The following MAP7 variants were observed in gnomAD, a reference collection of about 807,000 sequenced individuals.
MAP7 encodes microtubule associated protein 7.
Under a neutral mutation model 94.8 loss-of-function variants are expected in MAP7, and 52 were observed. The ratio of observed to expected loss-of-function variants is 0.55; its 90% CI spans 0.44 to 0.69. The LOEUF is 0.69. MAP7 is among the 30% of genes least tolerant of loss of function. MAP7 has a pLI of 0.00. For missense variants in MAP7, 940 were observed against 964.6 expected (o/e 0.97, Z 0.34); for synonymous variants, 350 against 357.0 (o/e 0.98, Z 0.22).
At chr6:136,493,376 G>T (rs1159897042) in intron 1 of MAP7, among the ~76,000 whole-genome samples, 1 of 151,944 alleles carries the variant, frequency 6.6e-6, no homozygotes, top group Non-Finnish European at 1.5e-5. Context: ...GCCCACCTTG[G>T]CCTTCCAAAG....
chr6:136,363,482 G>C lies in MAP7; in HGVS notation c.1274-780C>G, dbSNP rs190903107. ...ACTTCTGCTTCCACAGACTTTTCTC[G>C]GCCATCATGATGCTCTAGCCCTTCT... On this transcript the variant is annotated intron_variant, in intron 10 of 17. Transcript: ENST00000354570. Among the ~76,000 whole-genome samples, 29 of 152,260 alleles carry C rather than the reference G, an allele frequency of 1.9e-4. 1 individual carries two copies. Among genetic ancestry groups the C allele is most frequent in the South Asian group, 1.7e-3 (8 of 4,826 alleles).
intron 6 of MAP7, among the ~76,000 whole-genome samples, chr6:136,379,300 G>A (rs1777091332): frequency 6.6e-6 from 1 of 152,054 alleles, no homozygotes; most frequent in Non-Finnish European, 1.5e-5. Flanking sequence ...ATTTAAAAGA[G>A]TAAATATTTT....
chr6:136,419,017 T>A (rs1195738705), intron 2 of MAP7, among the ~76,000 whole-genome samples: 3 of 152,132 alleles, frequency 2.0e-5, no homozygotes, highest in African/African-American at 7.2e-5. Flanking sequence ...GTCTCCCTAT[T>A]TAACTTGACT....
At chr6:136,481,980 C>A (rs1812976655) in intron 1 of MAP7, among the ~76,000 whole-genome samples, 1 of 152,132 alleles carries the variant, frequency 6.6e-6, no homozygotes, top group Non-Finnish European at 1.5e-5. Flanking sequence ...CCTATTCTTG[C>A]AACTTTTCAG....
chr6:136,415,926 T>C (rs1789243774), intron 2 of MAP7, among the ~76,000 whole-genome samples: 1 of 152,204 alleles, frequency 6.6e-6, no homozygotes, highest in African/African-American at 2.4e-5. Context: ...ACTAGATGAT[T>C]TTGCTTGATT....
At chr6:136,389,549 G>C in intron 3 of MAP7, 32 bp from the exon 4 acceptor site, 1 of 1,523,848 alleles carries the variant, frequency 6.6e-7, no homozygotes, top group Non-Finnish European at 9.0e-7. Flanking sequence ...AAAAAAAAGA[G>C]GGAAATCAAA....
intron 10 of MAP7, chr6:136,364,059 A>T: frequency 3.8e-6 from 1 of 264,558 alleles, no homozygotes; most frequent in South Asian, 3.9e-5. Context: ...GCCACATTGA[A>T]GTGGAACCCT....
chr6:136,391,764 A>C (rs1582771051), intron 3 of MAP7, among the ~76,000 whole-genome samples: 1 of 152,150 alleles, frequency 6.6e-6, no homozygotes, highest in African/African-American at 2.4e-5. Flanking sequence ...TTAAAAGTTA[A>C]GAGAAGTAGA....
At chr6:136,390,684 G>GA (rs1352595588) in intron 3 of MAP7, among the ~76,000 whole-genome samples, 2 of 151,988 alleles carry the variant, frequency 1.3e-5, no homozygotes, top group East Asian at 1.9e-4. Flanking sequence ...ACAAATAAAA[G>GA]AAAAAACATA....
chr6:136,373,678 T>A (rs555869798), intron 7 of MAP7, among the ~76,000 whole-genome samples: 2 of 152,286 alleles, frequency 1.3e-5, no homozygotes, highest in East Asian at 3.9e-4. Context: ...AACACAAGTA[T>A]AGAGAATACT....
chr6:136,365,483 G>T (rs1227443418), intron 10 of MAP7, among the ~76,000 whole-genome samples: 1 of 152,102 alleles, frequency 6.6e-6, no homozygotes, highest in Non-Finnish European at 1.5e-5. Context: ...GCTACGCCAG[G>T]GGTCCTTAAA....
chr6:136,364,889 C>G (rs571300313), intron 10 of MAP7: 4 of 152,330 alleles, frequency 2.6e-5, no homozygotes, highest in Non-Finnish European at 4.4e-5. Context: ...GCAGGGACCA[C>G]CCAGCTGTGC....
At chr6:136,358,239 A>G (rs1791543339) in intron 15 of MAP7, among the ~76,000 whole-genome samples, 1 of 152,210 alleles carries the variant, frequency 6.6e-6, no homozygotes, top group Admixed American at 6.5e-5. Context: ...AGGAAAGGGC[A>G]GGAAGGGGGA....
intron 6 of MAP7, among the ~76,000 whole-genome samples, chr6:136,380,835 C>G (rs903693330): frequency 6.6e-6 from 1 of 152,186 alleles, no homozygotes; most frequent in African/African-American, 2.4e-5. Flanking sequence ...ACTGGCTTCC[C>G]TTGGCTTTGG....
intron 3 of MAP7, among the ~76,000 whole-genome samples, chr6:136,390,217 A>G (rs936928235): frequency 4.6e-5 from 7 of 152,224 alleles, no homozygotes; most frequent in Admixed American, 1.3e-4. Context: ...AGCTATTTCA[A>G]TATGCTGCTT....
chr6:136,414,874 G>A (rs1562374176), intron 2 of MAP7, among the ~76,000 whole-genome samples: 1 of 151,356 alleles, frequency 6.6e-6, no homozygotes, highest in African/African-American at 2.4e-5. Context: ...GAGTGCAGTG[G>A]CGTGATCTCA....
At chr6:136,536,561 G>T (rs940866088) in intron 1 of MAP7, among the ~76,000 whole-genome samples, 1 of 152,160 alleles carries the variant, frequency 6.6e-6, no homozygotes. Flanking sequence ...TTGTAGTAAA[G>T]AAATCAAAAT....
chr6:136,483,488 C>A (rs1465751178), intron 1 of MAP7, among the ~76,000 whole-genome samples: 6 of 151,996 alleles, frequency 3.9e-5, no homozygotes, highest in Non-Finnish European at 8.8e-5. Context: ...AACAAACCTG[C>A]ACATGTACCC....
At chr6:136,437,808 G>C (rs1796777223) in intron 1 of MAP7, among the ~76,000 whole-genome samples, 1 of 152,038 alleles carries the variant, frequency 6.6e-6, no homozygotes, top group South Asian at 2.1e-4. Context: ...AAAAAGCTTA[G>C]GCTGATTTTA....
Sources: allele counts gnomAD v4.1 joint callset (sites outside exome capture counted in the v4.1 genomes callset), GRCh38; gene constraint gnomAD v4.1.1; transcripts MANE v1.5; gene names NCBI Gene and HGNC (gene_info 2026-07-23, HGNC 2026-07-21).